The following CREG2 variants were observed in gnomAD, a reference collection of about 807,000 sequenced individuals.
CREG2 encodes protein CREG2.
A neutral mutation model predicts 26.2 loss-of-function variants in CREG2; 24 were observed. The ratio of observed to expected loss-of-function variants is 0.92; its 90% CI spans 0.66 to 1.29. The LOEUF is 1.29. CREG2 is among the 50% of genes most tolerant of loss of function. The pLI, the probability that CREG2 is intolerant of heterozygous loss-of-function variation, is 0.00. For synonymous variants in CREG2, 174 were observed against 169.2 expected (o/e 1.03, Z -0.22); for missense variants, 366 against 398.6 (o/e 0.92, Z 0.70).
intron 3 of CREG2, 23 bp from the exon 4 acceptor site, chr2:101,351,093 C>T: frequency 6.2e-7 from 1 of 1,610,860 alleles, no homozygotes. Flanking sequence ...AGAGAGACCA[C>T]AGTAAAGCTG....
intron 2 of CREG2, among the ~76,000 whole-genome samples, chr2:101,360,562 T>C (rs763622591): frequency 4.6e-5 from 7 of 151,982 alleles, no homozygotes; most frequent in Non-Finnish European, 7.4e-5. Context: ...TGGGTGAAAC[T>C]CTGTCTCTAC....
intron 2 of CREG2, among the ~76,000 whole-genome samples, chr2:101,373,753 T>TGC (rs1684747890): frequency 1.3e-5 from 2 of 152,254 alleles, no homozygotes; most frequent in African/African-American, 4.8e-5. Flanking sequence ...GACTGCAGGT[T>TGC]ACTATGATAT....
intron 2 of CREG2, among the ~76,000 whole-genome samples, chr2:101,373,661 A>G (rs1684746217): frequency 6.6e-6 from 1 of 152,228 alleles, no homozygotes; most frequent in African/African-American, 2.4e-5. Flanking sequence ...AGGAACTACA[A>G]TCATTAGTGA....
intron 2 of CREG2, among the ~76,000 whole-genome samples, chr2:101,366,899 A>T (rs1684625888): frequency 6.6e-6 from 1 of 152,206 alleles, no homozygotes; most frequent in Non-Finnish European, 1.5e-5. Flanking sequence ...CTTAAATTGT[A>T]CTAGGTATTA....
rs773623078 is a variant in CREG2 at position 101,347,432 on chromosome 2, C to T, written c.*3491G>A. The T allele has an allele frequency of 7.2e-5, 11 of 152,180 alleles. No homozygotes were observed. Among genetic ancestry groups the T allele is most frequent in the Non-Finnish European group, 1.2e-4 (8 of 68,036 alleles). The allele number at this position is 152,180 out of a possible 1,614,324, so 9.4% of individuals were successfully genotyped here. On this transcript the variant is annotated 3_prime_UTR_variant, in exon 4 of 4. Coordinates refer to ENST00000324768, the MANE Select transcript of CREG2 (RefSeq NM_153836.4). ...GTGGCTGTTCCATTTTCTATTCCCA[C>T]CACTAGTGTATGACTGACCCGGTTT...
chr2:101,368,532 A>C (rs1433173555), intron 2 of CREG2, among the ~76,000 whole-genome samples: 3 of 152,078 alleles, frequency 2.0e-5, no homozygotes, highest in African/African-American at 7.2e-5. Context: ...GGGGAGCTGC[A>C]CTCCAGCAGG....
In CREG2 at chr2:101,348,986, A is replaced by T. The variant is rs6726192; in HGVS notation, c.*1937T>A. ...GGATAAATAGCTGATAACATTCATC[A>T]GTGGTTATGAATGGCATCCACTGGG... On this transcript the variant is annotated 3_prime_UTR_variant, in exon 4 of 4. Coordinates refer to ENST00000324768, the MANE Select transcript of CREG2 (RefSeq NM_153836.4). 0.67 allele frequency: 101,901 copies of T among 152,510 alleles called. 35,869 individuals are homozygous for T. The highest frequency in any genetic ancestry group is 0.78 in the South Asian group (3,759 of 4,826). 9.4% of individuals were successfully genotyped at this position (152,510 alleles called of 1,614,324 possible).
intron 2 of CREG2, among the ~76,000 whole-genome samples, chr2:101,359,830 T>A (rs1032665496): frequency 6.6e-6 from 1 of 152,226 alleles, no homozygotes; most frequent in South Asian, 2.1e-4. Flanking sequence ...TCAACCAGAC[T>A]CCCTGGGAAA....
chr2:101,387,431 C>T lies in CREG2; in HGVS notation c.27G>A (p.Pro9=). The T allele has an allele frequency of 8.0e-7, 1 of 1,247,834 alleles. No homozygotes were observed. Among genetic ancestry groups the T allele is most frequent in the Non-Finnish European group, 1.0e-6 (1 of 989,744 alleles). 77.3% of individuals were successfully genotyped at this position (1,247,834 alleles called of 1,614,324 possible). ...AGGAGAGGCGGGTCCCCGGCCGCGCCGGCCGCCGGCCGCGGCGCACGGACA... is the reference window on the plus strand; with the variant it reads ...AGGAGAGGCGGGTCCCCGGCCGCGCTGGCCGCCGGCCGCGGCGCACGGACA... The part of the protein sequence containing the change: MSVRRGRR[P]ARPGTRLSWL... The change falls in exon 1 of 4, where the codon CCG becomes CCA. Residue 9 remains proline (P), a synonymous_variant. Transcript: ENST00000324768. The surrounding 1 kb of genome is among the most constrained non-coding windows in gnomAD (Gnocchi z 4.7).
At chr2:101,374,575 T>C (rs953605861) in intron 2 of CREG2, among the ~76,000 whole-genome samples, 1 of 152,246 alleles carries the variant, frequency 6.6e-6, no homozygotes. Context: ...GGCCCTGGGC[T>C]TTGAAATGCA....
intron 2 of CREG2, among the ~76,000 whole-genome samples, chr2:101,365,100 C>A (rs1684600188): frequency 6.6e-6 from 1 of 152,180 alleles, no homozygotes; most frequent in Admixed American, 6.5e-5. Context: ...GCCTTCCACA[C>A]AGTGCTGAAG....
chr2:101,369,205 G>A (rs2104478262), intron 2 of CREG2, among the ~76,000 whole-genome samples: 1 of 152,318 alleles, frequency 6.6e-6, no homozygotes, highest in Middle Eastern at 3.4e-3. Context: ...AGACCTAGTT[G>A]GGAGAATTTA....
intron 3 of CREG2, among the ~76,000 whole-genome samples, chr2:101,353,320 T>C (rs952721349): frequency 4.6e-5 from 7 of 152,190 alleles, no homozygotes; most frequent in Admixed American, 4.6e-4. Context: ...GTTTTAGTCA[T>C]GAAGCAAAAG....
chr2:101,363,638 A>G (rs559594281), intron 2 of CREG2, among the ~76,000 whole-genome samples: 109 of 152,334 alleles, frequency 7.2e-4, no homozygotes, highest in African/African-American at 2.5e-3. Context: ...ATATATAAAC[A>G]TACTGAACAA....
intron 2 of CREG2, chr2:101,376,016 C>A: frequency 4.7e-6 from 1 of 212,030 alleles, no homozygotes; most frequent in Non-Finnish European, 1.0e-5. Context: ...ACTGTCACGA[C>A]ATGGGCATCT....
At chr2:101,373,647 G>C (rs940724228) in intron 2 of CREG2, among the ~76,000 whole-genome samples, 3 of 152,180 alleles carry the variant, frequency 2.0e-5, no homozygotes, top group African/African-American at 7.2e-5. Flanking sequence ...TAGTGCAATG[G>C]CAGAGGAACT....
intron 2 of CREG2, 83 bp downstream of exon 2, chr2:101,383,450 T>G: frequency 7.5e-7 from 1 of 1,326,584 alleles, no homozygotes; most frequent in Non-Finnish European, 1.1e-6. Context: ...GTTAAAGTCA[T>G]GTGACCCAGA....
Position 101,387,479 on chromosome 2 carries a change from C to A in CREG2, c.-22G>T. The A allele has an allele frequency of 1.1e-6, 1 of 929,088 alleles. No homozygotes were observed. The highest frequency in any genetic ancestry group is 3.9e-4 in the Middle Eastern group (1 of 2,548). The allele number at this position is 929,088 out of a possible 1,614,324, so 57.6% of individuals were successfully genotyped here. On this transcript the variant is annotated 5_prime_UTR_variant, in exon 1 of 4. Transcript: ENST00000324768. The surrounding 1 kb of genome is among the most constrained non-coding windows in gnomAD (Gnocchi z 4.7). ...ACATCTTGCAGGCAGCACGCCCGGCCGCCGGGGCCGCCAGCAGCGCTAGTG... is the reference window on the plus strand; with the variant it reads ...ACATCTTGCAGGCAGCACGCCCGGCAGCCGGGGCCGCCAGCAGCGCTAGTG...
chr2:101,381,095 C>T (rs1684865442), intron 2 of CREG2, among the ~76,000 whole-genome samples: 1 of 152,160 alleles, frequency 6.6e-6, no homozygotes, highest in Admixed American at 6.5e-5. Context: ...TTGAATCTCC[C>T]CGCTCCTGTG....
Sources: gnomAD v4.1 joint callset for allele counts (sites outside exome capture counted in the v4.1 genomes callset) on GRCh38, gnomAD v4.1.1 for gene constraint, Gnocchi (gnomAD v3.1) non-coding constraint, MANE v1.5 for transcripts, NCBI Gene and HGNC (gene_info 2026-07-23, HGNC 2026-07-21) for gene names.